The following CCDC149 variants were observed in gnomAD, a reference collection of about 807,000 sequenced individuals.
CCDC149 encodes coiled-coil domain-containing protein 149.
A neutral mutation model predicts 59.9 loss-of-function variants in CCDC149; 45 were observed. The observed-to-expected ratio is 0.75, with a 90% CI of 0.59 to 0.96. The LOEUF is 0.96. Ranked by LOEUF, CCDC149 falls within the 40% of genes least tolerant of loss-of-function variation. The pLI, the probability that CCDC149 is intolerant of heterozygous loss-of-function variation, is 0.00. For missense variants in CCDC149, 584 were observed against 664.7 expected, an observed-to-expected ratio of 0.88 and a Z score of 1.33; for synonymous variants, 245 against 260.6, an observed-to-expected ratio of 0.94 and a Z score of 0.58.
rs1405803152 is a variant in CCDC149 at position 24,813,527 on chromosome 4, T to TATATAA, written c.1193-4709_1193-4708insTTATAT. On this transcript the variant is annotated intron_variant, in intron 12 of 12. Transcript: ENST00000635206. ...ATATATATATATATATATATATATATAAAACCTAAAAAGGAAATATAATCT... is the reference window on the plus strand; with the variant it reads ...ATATATATATATATATATATATATATATATAAAAAACCTAAAAAGGAAATATAATCT... 5.8e-3 allele frequency among the ~76,000 whole-genome samples: 532 copies of TATATAA among 91,202 alleles called. 2 individuals carry two copies. Among genetic ancestry groups the TATATAA allele is most frequent in the Non-Finnish European group, 9.0e-3 (393 of 43,498 alleles). The allele number at this position is 91,202 out of a possible 152,430, so 59.8% of individuals were successfully genotyped here. A position where few individuals can be genotyped will look rare whatever the true frequency, so the allele number is the denominator to read the frequency against.
intron 1 of CCDC149, among the ~76,000 whole-genome samples, chr4:24,965,684 AAAG>A (rs1723774934): frequency 6.6e-6 from 1 of 152,248 alleles, no homozygotes; most frequent in African/African-American, 2.4e-5. Context: ...AGACAAGAAG[AAAG>A]AAGATCTCAA....
At chr4:24,964,409 T>C (rs1330383497) in intron 1 of CCDC149, among the ~76,000 whole-genome samples, 1 of 152,142 alleles carries the variant, frequency 6.6e-6, no homozygotes, top group Non-Finnish European at 1.5e-5. Context: ...ACTGTAAAAT[T>C]AAATTTGAAA....
chr4:24,949,717 A>G (rs1285264694), intron 1 of CCDC149, among the ~76,000 whole-genome samples: 1 of 152,234 alleles, frequency 6.6e-6, no homozygotes, highest in Non-Finnish European at 1.5e-5. Flanking sequence ...AGGCCAGGAA[A>G]GCAGGACTCG....
intron 1 of CCDC149, among the ~76,000 whole-genome samples, chr4:24,912,315 G>C (rs992876374): frequency 6.6e-5 from 10 of 152,202 alleles, no homozygotes; most frequent in Admixed American, 1.3e-4. Context: ...TGATTGAATT[G>C]AGCAAGTGAA....
intron 1 of CCDC149, among the ~76,000 whole-genome samples, chr4:24,970,142 T>A (rs537706687): frequency 6.6e-6 from 1 of 152,328 alleles, no homozygotes; most frequent in East Asian, 1.9e-4. Context: ...GGGACGTGCT[T>A]TACCTCCATC....
At chr4:24,926,017 C>A (rs1722426197) in intron 1 of CCDC149, among the ~76,000 whole-genome samples, 1 of 152,040 alleles carries the variant, frequency 6.6e-6, no homozygotes, top group African/African-American at 2.4e-5. Flanking sequence ...CATGGTGAAA[C>A]CCTGTCTCTA....
intron 1 of CCDC149, among the ~76,000 whole-genome samples, chr4:24,931,837 A>ATG (rs751115199): frequency 0.015 from 1,527 of 100,410 alleles, 37 homozygotes; most frequent in Non-Finnish European, 0.023. Context: ...ATGTATATAT[A>ATG]TATATATATA....
intron 1 of CCDC149, among the ~76,000 whole-genome samples, chr4:24,939,614 T>C (rs1044549442): frequency 4.6e-5 from 7 of 151,758 alleles, no homozygotes; most frequent in Non-Finnish European, 7.4e-5. Flanking sequence ...AGGAGGAAGT[T>C]CAAACCAATG....
intron 12 of CCDC149, among the ~76,000 whole-genome samples, chr4:24,816,908 T>A (rs1350130371): frequency 6.6e-6 from 1 of 152,208 alleles, no homozygotes; most frequent in Non-Finnish European, 1.5e-5. Context: ...CCTTTGTTAG[T>A]TGCTCTCTGA....
intron 12 of CCDC149, among the ~76,000 whole-genome samples, chr4:24,813,529 A>ATATATATATAT (rs1560197755): frequency 3.6e-5 from 4 of 110,444 alleles, no homozygotes; most frequent in African/African-American, 8.9e-5. Context: ...TATATATATA[A>ATATATATATAT]AACCTAAAAA....
At chr4:24,873,646 CAATA>C in intron 3 of CCDC149, 31 bp downstream of exon 3, 1 of 1,446,648 alleles carries the variant, frequency 6.9e-7, no homozygotes, top group Non-Finnish European at 9.7e-7. Flanking sequence ...TGCTAGGTAT[CAATA>C]AAAAAATCTG....
chr4:24,935,576 A>T (rs1047279428), intron 1 of CCDC149, among the ~76,000 whole-genome samples: 8 of 152,086 alleles, frequency 5.3e-5, no homozygotes, highest in Admixed American at 1.3e-4. Flanking sequence ...AGACCCCAGA[A>T]AGCTCCCTTG....
intron 1 of CCDC149, among the ~76,000 whole-genome samples, chr4:24,899,331 G>C (rs1205210492): frequency 6.6e-6 from 1 of 152,222 alleles, no homozygotes; most frequent in East Asian, 1.9e-4. Flanking sequence ...GCAGGAAAGA[G>C]AGATAGGAAA....
intron 1 of CCDC149, among the ~76,000 whole-genome samples, chr4:24,977,841 T>G (rs181775899): frequency 3.8e-4 from 58 of 152,350 alleles, no homozygotes; most frequent in Admixed American, 3.1e-3. Flanking sequence ...GCTATAAATC[T>G]ATGCTACCTG....
chr4:24,975,994 G>A lies in CCDC149; in HGVS notation c.-65+4075C>T, dbSNP rs571621761. On this transcript the variant is annotated intron_variant, in intron 1 of 12. Coordinates refer to the CCDC149 transcript ENST00000389609. ...GGAGGAGAGGGGACAGGAAAAAGAA[G>A]GAGAAGGGAGAGGGAAAAGAGGGGA... Among the ~76,000 whole-genome samples the A allele has an allele frequency of 2.7e-5, 4 of 147,188 alleles. No individual in the cohort carries two copies. In the South Asian group the frequency reaches 9.0e-4, roughly 33 times the overall value.
chr4:24,870,381 TGTAAGGTAATTAATTC>T (rs1376263653), intron 3 of CCDC149, among the ~76,000 whole-genome samples: 2 of 152,308 alleles, frequency 1.3e-5, no homozygotes, highest in African/African-American at 2.4e-5. Context: ...CTTCTCGCTA[TGTAAGGTAATTAATTC>T]GTTTATTGTT....
intron 1 of CCDC149, among the ~76,000 whole-genome samples, chr4:24,882,651 T>C (rs1398849930): frequency 2.6e-5 from 4 of 152,206 alleles, no homozygotes; most frequent in Non-Finnish European, 5.9e-5. Flanking sequence ...TGAATATTCA[T>C]GTATTTGCTG....
intron 1 of CCDC149, among the ~76,000 whole-genome samples, chr4:24,952,190 C>T (rs115290776): frequency 0.019 from 2,952 of 152,234 alleles, 115 homozygotes; most frequent in African/African-American, 0.068. Flanking sequence ...TGTGTGCTAA[C>T]GTGCACGCCT....
chr4:24,924,829 T>G (rs1722392393), intron 1 of CCDC149, among the ~76,000 whole-genome samples: 2 of 152,210 alleles, frequency 1.3e-5, no homozygotes, highest in African/African-American at 2.4e-5. Context: ...TGAGTATGGA[T>G]GAGTATCAAG....
Sources: allele counts gnomAD v4.1 joint callset (sites outside exome capture counted in the v4.1 genomes callset), GRCh38; gene constraint gnomAD v4.1.1; transcripts MANE v1.5; gene names NCBI Gene and HGNC (gene_info 2026-07-23, HGNC 2026-07-21).